CDH4: variants seen among roughly 807,000 people sequenced by gnomAD.
CDH4 encodes cadherin 4.
In CDH4, 33 loss-of-function variants were observed where a neutral mutation model predicts 86.0. The ratio of observed to expected loss-of-function variants is 0.38; its 90% CI spans 0.29 to 0.51. CDH4 has a LOEUF of 0.51. Ranked by LOEUF, CDH4 falls within the 20% of genes least tolerant of loss-of-function variation. CDH4 has a pLI of 0.86. For synonymous variants in CDH4, 555 were observed against 549.4 expected (o/e 1.01, Z -0.14); for missense variants, 1,114 against 1,307.4 (o/e 0.85, Z 2.28).
intron 5 of CDH4, among the ~76,000 whole-genome samples, chr20:61,851,948 A>G (rs1442800843): frequency 3.9e-5 from 6 of 152,190 alleles, no homozygotes; most frequent in African/African-American, 1.4e-4. Context: ...CAGGCCCTTG[A>G]TGGGCATCTG....
intron 2 of CDH4, among the ~76,000 whole-genome samples, chr20:61,444,474 A>C (rs373921211): frequency 2.7e-5 from 2 of 74,848 alleles, no homozygotes; most frequent in Non-Finnish European, 5.7e-5. Flanking sequence ...TATCTGCATG[A>C]GTGTTTCTCT....
At chr20:61,573,163 AGAGT>A (rs1281802041) in intron 2 of CDH4, among the ~76,000 whole-genome samples, 1 of 152,054 alleles carries the variant, frequency 6.6e-6, no homozygotes, top group East Asian at 1.9e-4. Context: ...TTCTTCAGAG[AGAGT>A]GAGCTGATGG....
intron 8 of CDH4, among the ~76,000 whole-genome samples, chr20:61,905,349 G>A (rs2054777226): frequency 6.6e-6 from 1 of 152,238 alleles, no homozygotes; most frequent in African/African-American, 2.4e-5. Context: ...TCAGAAGTCT[G>A]CAAGGGAATG....
At chr20:61,285,035 C>T (rs1187969399) in intron 2 of CDH4, among the ~76,000 whole-genome samples, 2 of 152,166 alleles carry the variant, frequency 1.3e-5, no homozygotes, top group Non-Finnish European at 2.9e-5. Flanking sequence ...CTACTTTATG[C>T]CCCCATTTTT....
chr20:61,542,144 A>C (rs529980637), intron 2 of CDH4, among the ~76,000 whole-genome samples: 3 of 152,072 alleles, frequency 2.0e-5, no homozygotes, highest in Admixed American at 6.5e-5. Context: ...CTAAAAATCA[A>C]CTCATACTGG....
At chr20:61,934,447 C>G (rs1312484877) in intron 15 of CDH4, among the ~76,000 whole-genome samples, 2 of 152,192 alleles carry the variant, frequency 1.3e-5, no homozygotes, top group Non-Finnish European at 2.9e-5. Context: ...TCCCTGTAGG[C>G]TAGGCGAAGG....
At chr20:61,768,951 A>G (rs1351722690) in intron 3 of CDH4, among the ~76,000 whole-genome samples, 2 of 152,216 alleles carry the variant, frequency 1.3e-5, no homozygotes, top group African/African-American at 4.8e-5. Flanking sequence ...TCTGAGATTC[A>G]GAGGGCCCTG....
chr20:61,921,182 C>G (rs867830440), intron 9 of CDH4, among the ~76,000 whole-genome samples: 29 of 137,580 alleles, frequency 2.1e-4, no homozygotes, highest in African/African-American at 8.6e-4. Context: ...ACAGTGATTG[C>G]ATGGAAGCGT....
At chr20:61,371,215 C>A (rs1486915776) in intron 2 of CDH4, among the ~76,000 whole-genome samples, 1 of 152,062 alleles carries the variant, frequency 6.6e-6, no homozygotes, top group African/African-American at 2.4e-5. Context: ...GCAGTGCTGG[C>A]GGTGATGGGG....
intron 2 of CDH4, among the ~76,000 whole-genome samples, chr20:61,296,287 G>A (rs1568786631): frequency 1.1e-4 from 11 of 96,356 alleles, no homozygotes; most frequent in African/African-American, 2.1e-4. Flanking sequence ...GTGGGTGCGT[G>A]TGTGTGTGTG....
At chr20:61,867,450 T>C (rs1426661563) in intron 6 of CDH4, among the ~76,000 whole-genome samples, 2 of 151,410 alleles carry the variant, frequency 1.3e-5, no homozygotes, top group African/African-American at 2.4e-5. Context: ...CTTGGGAGGC[T>C]GAGGCAGGGG....
chr20:61,747,084 T>C (rs1488173612), intron 3 of CDH4, among the ~76,000 whole-genome samples: 1 of 152,130 alleles, frequency 6.6e-6, no homozygotes. Flanking sequence ...CTCGGCCTCA[T>C]GACTGGGCAC....
intron 2 of CDH4, among the ~76,000 whole-genome samples, chr20:61,353,075 A>G (rs991864881): frequency 6.6e-6 from 1 of 152,136 alleles, no homozygotes; most frequent in Non-Finnish European, 1.5e-5. Flanking sequence ...GACCCGCCAC[A>G]GGGGCTCTCG....
chr20:61,465,975 C>A (rs2145563846), intron 2 of CDH4, among the ~76,000 whole-genome samples: 2 of 151,890 alleles, frequency 1.3e-5, no homozygotes, highest in Middle Eastern at 6.8e-3. Flanking sequence ...ATCAAGAAAC[C>A]ATCTTGTTTA....
intron 2 of CDH4, among the ~76,000 whole-genome samples, chr20:61,331,644 TCCCGCCC>T (rs2084577965): frequency 2.5e-4 from 3 of 12,208 alleles, no homozygotes; most frequent in African/African-American, 2.8e-4. Context: ...CAGACCCACC[TCCCGCCC>T]CAGCCACCTG....
intron 2 of CDH4, among the ~76,000 whole-genome samples, chr20:61,305,390 A>G (rs894782631): frequency 2.6e-5 from 4 of 152,162 alleles, no homozygotes; most frequent in African/African-American, 9.7e-5. Flanking sequence ...ATCCTGCTGA[A>G]TGCGGATTCC....
chr20:61,521,020 G>A (rs1218407722), intron 2 of CDH4, among the ~76,000 whole-genome samples: 2 of 152,188 alleles, frequency 1.3e-5, no homozygotes, highest in East Asian at 3.9e-4. Flanking sequence ...AGGCTGCAGG[G>A]GGGCCCGCAC....
intron 2 of CDH4, among the ~76,000 whole-genome samples, chr20:61,563,447 C>T (rs904579318): frequency 3.3e-5 from 5 of 152,210 alleles, no homozygotes; most frequent in East Asian, 1.9e-4. Context: ...TGCTTGGTGT[C>T]AGCCTTTAGA....
At chr20:61,414,962 C>T (rs1404238650) in intron 2 of CDH4, among the ~76,000 whole-genome samples, 1 of 152,234 alleles carries the variant, frequency 6.6e-6, no homozygotes, top group Non-Finnish European at 1.5e-5. Flanking sequence ...GGTCAGGAGG[C>T]TGATGGATGT....
Sources: gnomAD v4.1 joint callset for allele counts (sites outside exome capture counted in the v4.1 genomes callset) on GRCh38, gnomAD v4.1.1 for gene constraint, MANE v1.5 for transcripts, NCBI Gene and HGNC (gene_info 2026-07-23, HGNC 2026-07-21) for gene names.